FTO: variants seen among roughly 807,000 people sequenced by gnomAD.
The protein encoded by FTO is alpha-ketoglutarate-dependent dioxygenase FTO.
A neutral mutation model predicts 63.9 loss-of-function variants in FTO; 47 were observed. The observed-to-expected ratio is 0.74, with a 90% CI of 0.58 to 0.94. The LOEUF (loss-of-function observed/expected upper bound fraction) is 0.94, where lower values mean the gene tolerates loss of function less well. Ranked by LOEUF, FTO falls within the 40% of genes least tolerant of loss-of-function variation. The pLI is 0.00. For missense variants in FTO, 562 were observed against 618.1 expected, an observed-to-expected ratio of 0.91 and a Z score of 0.96; for synonymous variants, 207 against 224.4, an observed-to-expected ratio of 0.92 and a Z score of 0.69.
chr16:54,059,446 G>T (rs775509746), intron 8 of FTO, among the ~76,000 whole-genome samples: 1 of 152,226 alleles, frequency 6.6e-6, no homozygotes, highest in South Asian at 2.1e-4. Context: ...TTTAGAACTC[G>T]TGAGGGGGTA....
intron 1 of FTO, among the ~76,000 whole-genome samples, chr16:53,770,634 C>T (rs1021993738): frequency 4.6e-5 from 7 of 152,014 alleles, no homozygotes; most frequent in Admixed American, 2.0e-4. Context: ...GAAAATTTCC[C>T]CTTTAGATTC....
At chr16:53,869,077 C>T (rs536783541) in intron 4 of FTO, among the ~76,000 whole-genome samples, 1 of 152,252 alleles carries the variant, frequency 6.6e-6, no homozygotes, top group South Asian at 2.1e-4. Flanking sequence ...AGCGATTCAC[C>T]TGCCTTGGTC....
intron 7 of FTO, among the ~76,000 whole-genome samples, chr16:53,893,497 T>A (rs1467054686): frequency 6.6e-6 from 1 of 152,198 alleles, no homozygotes; most frequent in African/African-American, 2.4e-5. Flanking sequence ...AGAGATTCAA[T>A]GGATAGGCCA....
At chr16:53,913,038 G>T (rs1354761546) in intron 7 of FTO, among the ~76,000 whole-genome samples, 1 of 152,144 alleles carries the variant, frequency 6.6e-6, no homozygotes, top group Admixed American at 6.5e-5. Flanking sequence ...GATTTTCTTT[G>T]ATGTATGGGC....
intron 8 of FTO, among the ~76,000 whole-genome samples, chr16:54,026,165 A>G (rs2084711340): frequency 6.6e-6 from 1 of 152,222 alleles, no homozygotes; most frequent in Non-Finnish European, 1.5e-5. Context: ...ATTTTCCTTC[A>G]TCTGAAAGAA....
intron 8 of FTO, among the ~76,000 whole-genome samples, chr16:54,017,777 G>C (rs1419164303): frequency 1.3e-5 from 2 of 152,120 alleles, no homozygotes; most frequent in African/African-American, 4.8e-5. Flanking sequence ...GTGCTAATGA[G>C]CTTTCTGCAT....
intron 1 of FTO, among the ~76,000 whole-genome samples, chr16:53,733,875 T>C (rs1368439890): frequency 6.6e-6 from 1 of 151,870 alleles, no homozygotes; most frequent in East Asian, 1.9e-4. Flanking sequence ...TAAAAAGAGG[T>C]TTAAATTAAT....
rs149241099 is a variant in FTO, at chr16:53,911,826, C to A, written c.1240-22159C>A. On this transcript the variant is annotated intron_variant, in intron 7 of 8. Coordinates refer to ENST00000471389, the MANE Select transcript of FTO (RefSeq NM_001080432.3). ...AATGCATCTCTAAAATTGCACTGGG[C>A]TCTGGCCGTGGTTTTGCAATTTATG... Among the ~76,000 whole-genome samples the A allele has an allele frequency of 7.9e-3, 1,205 of 152,324 alleles. 14 individuals carry two copies. Among genetic ancestry groups the A allele is most frequent in the Non-Finnish European group, 0.011 (764 of 68,036 alleles).
intron 8 of FTO, chr16:53,991,719 T>C (rs1365544611): frequency 6.6e-6 from 1 of 152,166 alleles, no homozygotes; most frequent in Admixed American, 6.5e-5. Flanking sequence ...ATCCCTTTGA[T>C]TGAGTGCCAG....
At chr16:53,836,727 C>T (rs2079303669) in intron 3 of FTO, among the ~76,000 whole-genome samples, 1 of 152,210 alleles carries the variant, frequency 6.6e-6, no homozygotes, top group African/African-American at 2.4e-5. Flanking sequence ...GGACCTTGTT[C>T]CAACAGTAAT....
intron 8 of FTO, 87 bp from the exon 9 acceptor site, chr16:54,111,675 T>G: frequency 7.3e-7 from 1 of 1,378,600 alleles, no homozygotes; most frequent in South Asian, 1.2e-5. Flanking sequence ...TTTGGAGCAT[T>G]GGCCAGTGTT....
intron 8 of FTO, among the ~76,000 whole-genome samples, chr16:54,053,244 A>G (rs1363397677): frequency 2.0e-5 from 3 of 152,180 alleles, no homozygotes; most frequent in Non-Finnish European, 2.9e-5. Flanking sequence ...TCATACATCT[A>G]TGGGGCTCCT....
At chr16:54,107,042 A>C (rs1179453652) in intron 8 of FTO, among the ~76,000 whole-genome samples, 3 of 146,790 alleles carry the variant, frequency 2.0e-5, no homozygotes, top group African/African-American at 7.4e-5. Context: ...AGTATATAGT[A>C]TAAAATACGT....
intron 1 of FTO, among the ~76,000 whole-genome samples, chr16:53,722,362 T>C (rs1318010884): frequency 6.6e-6 from 1 of 152,234 alleles, no homozygotes; most frequent in African/African-American, 2.4e-5. Context: ...TTTTTGTGTC[T>C]AGTAAGATGC....
intron 4 of FTO, among the ~76,000 whole-genome samples, chr16:53,868,344 A>G (rs1007904505): frequency 1.3e-5 from 2 of 152,098 alleles, no homozygotes; most frequent in African/African-American, 2.4e-5. Flanking sequence ...TAGCATATCA[A>G]TTACATATGT....
At chr16:54,056,663 G>A (rs565229278) in intron 8 of FTO, among the ~76,000 whole-genome samples, 1 of 152,272 alleles carries the variant, frequency 6.6e-6, no homozygotes, top group Admixed American at 6.5e-5. Context: ...CAACAGCCAT[G>A]TCGCTGATTT....
At chr16:53,751,715 G>A (rs1319567375) in intron 1 of FTO, among the ~76,000 whole-genome samples, 1 of 152,170 alleles carries the variant, frequency 6.6e-6, no homozygotes, top group African/African-American at 2.4e-5. Context: ...TCTAAACTTA[G>A]AATATGGTGA....
At chr16:54,026,413 A>C (rs1457487486) in intron 8 of FTO, among the ~76,000 whole-genome samples, 3 of 152,160 alleles carry the variant, frequency 2.0e-5, no homozygotes, top group Non-Finnish European at 4.4e-5. Context: ...ACCCCTTTTT[A>C]AGGAACTTCC....
chr16:53,816,182 C>CA (rs1298918238), intron 2 of FTO, among the ~76,000 whole-genome samples: 1 of 152,112 alleles, frequency 6.6e-6, no homozygotes. Flanking sequence ...GTGAAGGCTT[C>CA]AGAAAATCCC....
Sources: gnomAD v4.1 joint callset for allele counts (sites outside exome capture counted in the v4.1 genomes callset) on GRCh38, gnomAD v4.1.1 for gene constraint, MANE v1.5 for transcripts, NCBI Gene and HGNC (gene_info 2026-07-23, HGNC 2026-07-21) for gene names.